Variants in DIAPH2 observed in about 807,000 individuals in gnomAD.
DIAPH2 encodes protein diaphanous homolog 2.
A neutral mutation model predicts 92.7 loss-of-function variants in DIAPH2; 35 were observed. That is an observed-to-expected ratio of 0.38 (90% CI 0.29 to 0.50). The LOEUF (loss-of-function observed/expected upper bound fraction) is 0.50, where lower values mean the gene tolerates loss of function less well. Ranked by LOEUF, DIAPH2 falls within the 20% of genes least tolerant of loss-of-function variation. The probability of loss-of-function intolerance (pLI) is 0.94; values close to 1 mark genes in which losing one functional copy is unlikely to be tolerated. For synonymous variants in DIAPH2, 301 were observed against 280.4 expected, an observed-to-expected ratio of 1.07 and a Z score of -0.73; for missense variants, 701 against 819.5, an observed-to-expected ratio of 0.86 and a Z score of 1.77.
At chrX:97,173,005 C>G (rs1230323132) in intron 22 of DIAPH2, among the ~76,000 whole-genome samples, 2 of 112,158 alleles carry the variant, frequency 1.8e-5, no homozygotes, top group Admixed American at 9.5e-5. Context: ...AAGTTGCCAC[C>G]CTCTTCAAAT....
intron 22 of DIAPH2, among the ~76,000 whole-genome samples, chrX:97,171,163 C>T (rs191397346): frequency 0.029 from 3,214 of 112,043 alleles, 44 homozygotes; most frequent in Middle Eastern, 0.041. Context: ...CGTAAGCCAC[C>T]GTACCTGGCC....
chrX:97,588,716 C>T (rs2071494769), intron 26 of DIAPH2, among the ~76,000 whole-genome samples: 1 of 109,599 alleles, frequency 9.1e-6, no homozygotes, highest in Non-Finnish European at 1.9e-5. Flanking sequence ...TAAGCCATGA[C>T]TTTCCCATCA....
chrX:97,562,020 G>A (rs775617507), intron 26 of DIAPH2, among the ~76,000 whole-genome samples: 1 of 112,104 alleles, frequency 8.9e-6, no homozygotes, highest in Admixed American at 9.5e-5. Flanking sequence ...GGGTCTATCT[G>A]TAAATAAACC....
intron 26 of DIAPH2, among the ~76,000 whole-genome samples, chrX:97,477,783 C>T (rs1337449920): frequency 9.0e-6 from 1 of 111,564 alleles, no homozygotes; most frequent in Non-Finnish European, 1.9e-5. Context: ...AATTGAAGTA[C>T]AGTAAGATGA....
intron 22 of DIAPH2, among the ~76,000 whole-genome samples, chrX:97,190,961 G>A (rs755684814): frequency 1.8e-5 from 2 of 110,091 alleles, no homozygotes; most frequent in African/African-American, 3.3e-5. Flanking sequence ...TAAAGTCCTC[G>A]TCCTTTCCCC....
chrX:97,250,195 C>T (rs1205268004), intron 23 of DIAPH2, among the ~76,000 whole-genome samples: 1 of 111,615 alleles, frequency 9.0e-6, no homozygotes, highest in Admixed American at 9.5e-5. Flanking sequence ...CCATCCAGTG[C>T]CAATAAATTG....
chrX:96,819,856 G>A (rs190783721), intron 4 of DIAPH2, among the ~76,000 whole-genome samples: 22 of 111,853 alleles, frequency 2.0e-4, no homozygotes, highest in African/African-American at 5.8e-4. Context: ...TCTGGGTGCT[G>A]AAGATGTAGC....
At chrX:97,124,007 G>A (rs896279964) in intron 21 of DIAPH2, among the ~76,000 whole-genome samples, 2 of 111,925 alleles carry the variant, frequency 1.8e-5, no homozygotes, top group Non-Finnish European at 3.8e-5. Flanking sequence ...TAAAATGATA[G>A]CCTCAATTTT....
At chrX:96,741,383 A>G (rs1358443719) in intron 3 of DIAPH2, among the ~76,000 whole-genome samples, 1 of 108,908 alleles carries the variant, frequency 9.2e-6, no homozygotes. Context: ...CCAGGTTTCC[A>G]TCCCACCATT....
At chrX:97,474,795 A>G (rs2070591386) in intron 26 of DIAPH2, among the ~76,000 whole-genome samples, 1 of 110,880 alleles carries the variant, frequency 9.0e-6, no homozygotes. Flanking sequence ...AATAGTAATA[A>G]TAAAGAACAG....
At position 96,751,952 on chromosome X, in the gene DIAPH2, C is replaced by T. The variant is rs971085351; in HGVS notation, c.343-6202C>T. Among the ~76,000 whole-genome samples the T allele has an allele frequency of 6.8e-4, 67 of 99,129 alleles. 1 individual carries two copies. Among genetic ancestry groups the T allele is most frequent in the Admixed American group, 4.2e-3 (40 of 9,413 alleles). 86.1% of individuals were successfully genotyped at this position (99,129 alleles called of 115,157 possible). A position where few individuals can be genotyped will look rare whatever the true frequency, so the allele number is the denominator to read the frequency against. ...ACAGGCGTGAGCCACCGCGCCCGGC[C>T]GACTTCAGTGTTTTTTAAAATCACA... On this transcript the variant is annotated intron_variant, in intron 3 of 26. Transcript: ENST00000324765.
chrX:96,828,174 G>A (rs774240721), intron 4 of DIAPH2, among the ~76,000 whole-genome samples: 1 of 112,233 alleles, frequency 8.9e-6, no homozygotes, highest in Non-Finnish European at 1.9e-5. Flanking sequence ...TTTGAGAGCT[G>A]CTGCTCTTCT....
chrX:97,185,365 ATATG>A (rs1346090037), intron 22 of DIAPH2, among the ~76,000 whole-genome samples: 1 of 55,450 alleles, frequency 1.8e-5, no homozygotes, highest in East Asian at 5.0e-4. Context: ...GTGTATATAT[ATATG>A]TATATATATA....
intron 4 of DIAPH2, among the ~76,000 whole-genome samples, chrX:96,780,152 T>A (rs143612697): frequency 8.9e-6 from 1 of 112,383 alleles, no homozygotes; most frequent in East Asian, 2.8e-4. Context: ...GTGTAAATCA[T>A]CTGGATGTTT....
chrX:97,281,154 C>T (rs908152686), intron 23 of DIAPH2, among the ~76,000 whole-genome samples: 1 of 111,831 alleles, frequency 8.9e-6, no homozygotes, highest in African/African-American at 3.2e-5. Context: ...GCTATTGAGA[C>T]TGGCATGGGA....
chrX:97,180,226 G>GT (rs1427418721), intron 22 of DIAPH2, among the ~76,000 whole-genome samples: 1 of 112,269 alleles, frequency 8.9e-6, no homozygotes, highest in Non-Finnish European at 1.9e-5. Context: ...AACATCTGTT[G>GT]TTTTGATTTG....
chrX:97,594,203 A>G (rs2071536453), intron 26 of DIAPH2, among the ~76,000 whole-genome samples: 1 of 106,212 alleles, frequency 9.4e-6, no homozygotes, highest in Non-Finnish European at 2.0e-5. Context: ...ATATATACGT[A>G]CACATACACA....
intron 26 of DIAPH2, among the ~76,000 whole-genome samples, chrX:97,537,889 T>A (rs1010736316): frequency 4.6e-4 from 48 of 103,254 alleles, no homozygotes; most frequent in African/African-American, 1.7e-3. Flanking sequence ...CTAAATTCTT[T>A]TTTTTTTTTT....
intron 20 of DIAPH2, among the ~76,000 whole-genome samples, chrX:97,113,249 T>G (rs1462427721): frequency 9.0e-6 from 1 of 111,632 alleles, no homozygotes; most frequent in Non-Finnish European, 1.9e-5. Flanking sequence ...CTCCAGAACT[T>G]AATTTCTTTT....
Sources: gnomAD v4.1 joint callset for allele counts (sites outside exome capture counted in the v4.1 genomes callset) on GRCh38, gnomAD v4.1.1 for gene constraint, MANE v1.5 for transcripts, NCBI Gene and HGNC (gene_info 2026-07-23, HGNC 2026-07-21) for gene names.